HGSNAT: variants seen among roughly 807,000 people sequenced by gnomAD.
The protein encoded by HGSNAT is transmembrane protein 76.
HGSNAT carries 59 observed loss-of-function variants against 85.2 expected under a neutral mutation model. The observed-to-expected ratio is 0.69, with a 90% CI of 0.56 to 0.86. The LOEUF is 0.86. HGSNAT is among the 40% of genes least tolerant of loss of function. The probability of loss-of-function intolerance (pLI) is 0.00; values close to 1 mark genes in which losing one functional copy is unlikely to be tolerated. For missense variants in HGSNAT, 756 were observed against 777.1 expected (o/e 0.97, Z 0.32); for synonymous variants, 321 against 304.5 (o/e 1.05, Z -0.56).
chr8:43,147,756 G>A (rs1451248637), intron 2 of HGSNAT, among the ~76,000 whole-genome samples: 2 of 152,120 alleles, frequency 1.3e-5, no homozygotes, highest in Non-Finnish European at 2.9e-5. Flanking sequence ...TTGGGCTGCA[G>A]TACCCAAGCA....
At chr8:43,182,815 A>G (rs1307636397) in intron 11 of HGSNAT, among the ~76,000 whole-genome samples, 1 of 152,212 alleles carries the variant, frequency 6.6e-6, no homozygotes, top group East Asian at 1.9e-4. Flanking sequence ...AAATTTCTGC[A>G]TGCAATACTG....
chr8:43,140,630 C>T lies in HGSNAT; in HGVS notation c.118+16C>T, dbSNP rs1457633859. 8.6e-7 allele frequency: 1 copy of T among 1,163,872 alleles called. No individual in the cohort carries two copies. The highest frequency in any genetic ancestry group is 1.1e-6 in the Non-Finnish European group (1 of 918,280). 72.1% of individuals were successfully genotyped at this position (1,163,872 alleles called of 1,614,324 possible). ...CCGCCACGAGGTGAGTGCACACCTC[C>T]TACCGCCGCCCGGCCGGCTACGAGC... On this transcript the variant is annotated intron_variant, in intron 1 of 17. Transcript: ENST00000379644.
intron 9 of HGSNAT, among the ~76,000 whole-genome samples, chr8:43,175,731 A>AT (rs1175034916): frequency 3.3e-5 from 5 of 150,328 alleles, no homozygotes; most frequent in African/African-American, 1.2e-4. Flanking sequence ...ACACCTGGCT[A>AT]TTTTTTTGTA....
At chr8:43,181,172 A>G (rs1271284113) in intron 10 of HGSNAT, among the ~76,000 whole-genome samples, 1 of 94 alleles carries the variant, frequency 0.011, no homozygotes, top group African/African-American at 0.036. Flanking sequence ...AGGGAGAGGG[A>G]GAGGGAGAGG....
chr8:43,199,566 C>A lies in HGSNAT; in HGVS notation c.1905C>A (p.Ile635=). ...ATAGAAAGAAGATTTTTTGGAAAAT[C>A]TGATGGCTCCCACTGAGATGTGCTG... The part of the protein sequence containing the change: ...ILYRKKIFWK[I] The change falls in exon 18 of 18, where the codon ATC becomes ATA. Residue 635 remains isoleucine (I), a synonymous_variant. Coordinates refer to ENST00000379644, the MANE Select transcript of HGSNAT (RefSeq NM_152419.3). 1 of 1,538,550 alleles carries A rather than the reference C, an allele frequency of 6.5e-7. No individual in the cohort carries two copies. Among genetic ancestry groups the A allele is most frequent in the African/African-American group, 1.4e-5 (1 of 72,616 alleles).
chr8:43,175,557 CTTT>C (rs572939859), intron 9 of HGSNAT, among the ~76,000 whole-genome samples: 2 of 63,142 alleles, frequency 3.2e-5, no homozygotes, highest in African/African-American at 1.3e-4. Flanking sequence ...CTTTTGTCCT[CTTT>C]TTTTTTTTTT....
At chr8:43,196,688 C>A in intron 14 of HGSNAT, 1 of 603,748 alleles carries the variant, frequency 1.7e-6, no homozygotes, top group Non-Finnish European at 2.9e-6. Context: ...CCCTCTGGTG[C>A]TCTGGCCTCA....
At chr8:43,142,599 C>G (rs1485351465) in intron 1 of HGSNAT, among the ~76,000 whole-genome samples, 1 of 152,166 alleles carries the variant, frequency 6.6e-6, no homozygotes, top group Non-Finnish European at 1.5e-5. Context: ...CGGCTGCACA[C>G]TCGAATCCCT....
chr8:43,164,182 G>A (rs376216669), intron 5 of HGSNAT, among the ~76,000 whole-genome samples: 1 of 152,198 alleles, frequency 6.6e-6, no homozygotes, highest in Non-Finnish European at 1.5e-5. Flanking sequence ...ACAATCCGAG[G>A]CAGGAATGAG....
intron 5 of HGSNAT, among the ~76,000 whole-genome samples, chr8:43,164,000 A>G (rs1023693947): frequency 6.6e-6 from 1 of 152,236 alleles, no homozygotes; most frequent in Admixed American, 6.5e-5. Context: ...ATGTTATGAA[A>G]CAGGGAAACT....
intron 5 of HGSNAT, chr8:43,167,920 TTTC>T (rs1364762911): frequency 2.1e-5 from 6 of 283,538 alleles, no homozygotes; most frequent in Non-Finnish European, 3.5e-5. Context: ...CTTTTCTTTC[TTTC>T]TTTTTTTTTT....
In HGSNAT at chr8:43,141,015, G is replaced by A. The variant is rs974836602; in HGVS notation, c.118+401G>A. On this transcript the variant is annotated intron_variant, in intron 1 of 17. Transcript: ENST00000379644. ...GGGGCTCGGACTCCCCCTGCACCCA[G>A]TCCACTGTTCGGAGGGACTTAGAGC... Among the ~76,000 whole-genome samples the A allele has an allele frequency of 2.0e-5, 3 of 152,312 alleles. 1 individual carries two copies. The highest frequency in any genetic ancestry group is 2.9e-5 in the Non-Finnish European group (2 of 68,002).
At chr8:43,169,133 C>A in intron 5 of HGSNAT, 40 bp from the exon 6 acceptor site, 1 of 1,251,614 alleles carries the variant, frequency 8.0e-7, no homozygotes, top group South Asian at 1.5e-5. Flanking sequence ...AAAATTCTGC[C>A]AATGAAAATA....
rs1003065086 is a variant in HGSNAT, at chr8:43,199,728, A to G, written c.*159A>G. The G allele has an allele frequency of 2.7e-5, 12 of 447,662 alleles. No individual in the cohort carries two copies. Among genetic ancestry groups the G allele is most frequent in the Non-Finnish European group, 4.2e-5 (11 of 263,414 alleles). 27.7% of individuals were successfully genotyped at this position (447,662 alleles called of 1,614,324 possible). A position where few individuals can be genotyped will look rare whatever the true frequency, so the allele number is the denominator to read the frequency against. ...GATGTCCTCAAACTGGTTAACTGTG[A>G]CACGGCTCGCCAGAACTCTGCCTGT... On this transcript the variant is annotated 3_prime_UTR_variant, in exon 18 of 18. Transcript: ENST00000379644.
At chr8:43,148,734 A>C (rs1204613964) in intron 2 of HGSNAT, among the ~76,000 whole-genome samples, 1 of 150,630 alleles carries the variant, frequency 6.6e-6, no homozygotes, top group Non-Finnish European at 1.5e-5. Flanking sequence ...CGGAGGTTGC[A>C]GTGAGCCGAG....
chr8:43,165,079 A>G (rs1156913935), intron 5 of HGSNAT, among the ~76,000 whole-genome samples: 1 of 121,068 alleles, frequency 8.3e-6, no homozygotes, highest in Admixed American at 1.0e-4. Flanking sequence ...TTTAGTAGAG[A>G]TGAAGTTCTC....
Position 43,172,377 on chromosome 8 carries a change from A to T in HGSNAT, c.811A>T (p.Ser271Cys). 1 of 1,602,586 alleles carries T rather than the reference A, an allele frequency of 6.2e-7. No homozygotes were observed. The highest frequency in any genetic ancestry group is 1.7e-5 in the Admixed American group (1 of 59,996). The change falls in exon 8 of 18, where the codon AGT becomes TGT. Residue 271 changes from serine to cysteine, a missense_variant. By Grantham distance (112) the Ser-to-Cys change is moderately radical. Transcript: ENST00000379644. ...AAAATATTGGTACTTCAAACATGCA[A>T]GTTGGAATGGTAAGATATTTCCTAA... is the stretch of plus-strand genomic sequence containing the variant. ...GGKYWYFKHA[S>C]WNGLTVADLV...
intron 2 of HGSNAT, among the ~76,000 whole-genome samples, chr8:43,155,727 G>T (rs115119766): frequency 6.6e-6 from 1 of 152,132 alleles, no homozygotes; most frequent in Non-Finnish European, 1.5e-5. Context: ...TCCATTTTGA[G>T]TTGGTTTGTG....
intron 1 of HGSNAT, among the ~76,000 whole-genome samples, chr8:43,143,432 C>T (rs1802611267): frequency 6.6e-6 from 1 of 152,214 alleles, no homozygotes; most frequent in Non-Finnish European, 1.5e-5. Flanking sequence ...AGACTGACCT[C>T]AGCTTAAATC....
Sources: gnomAD v4.1 joint callset for allele counts (sites outside exome capture counted in the v4.1 genomes callset) on GRCh38, gnomAD v4.1.1 for gene constraint, MANE v1.5 for transcripts, NCBI Gene and HGNC (gene_info 2026-07-23, HGNC 2026-07-21) for gene names.